The following TAF5 variants were observed in gnomAD, a reference collection of about 807,000 sequenced individuals.
TAF5 encodes TATA-box binding protein associated factor 5.
Under a neutral mutation model 80.9 loss-of-function variants are expected in TAF5, and 20 were observed. The observed-to-expected ratio is 0.25, with a 90% CI of 0.17 to 0.36. The LOEUF (loss-of-function observed/expected upper bound fraction) is 0.36, where lower values mean the gene tolerates loss of function less well. TAF5 is among the 10% of genes least tolerant of loss of function. The probability of loss-of-function intolerance (pLI) is 1.00; values close to 1 mark genes in which losing one functional copy is unlikely to be tolerated. For synonymous variants in TAF5, 388 were observed against 406.4 expected (o/e 0.95, Z 0.55); for missense variants, 863 against 1,029.4 (o/e 0.84, Z 2.21).
intron 5 of TAF5, among the ~76,000 whole-genome samples, chr10:103,381,203 C>T (rs1196547152): frequency 6.6e-6 from 1 of 152,104 alleles, no homozygotes; most frequent in Non-Finnish European, 1.5e-5. Flanking sequence ...CCCGCCTCAG[C>T]CTCCTAAAGT....
At chr10:103,370,101 G>A (rs1354693100) in intron 1 of TAF5, among the ~76,000 whole-genome samples, 6 of 151,114 alleles carry the variant, frequency 4.0e-5, no homozygotes, top group Admixed American at 3.3e-4. Flanking sequence ...GCGTGGTGGC[G>A]CATGCCTGTA....
intron 5 of TAF5, among the ~76,000 whole-genome samples, chr10:103,380,862 C>T (rs2093381139): frequency 6.6e-6 from 1 of 152,170 alleles, no homozygotes; most frequent in Non-Finnish European, 1.5e-5. Flanking sequence ...CTCAAGTGAT[C>T]TGGCCGCCTC....
intron 8 of TAF5, 81 bp from the exon 9 acceptor site, chr10:103,387,094 T>C: frequency 7.2e-7 from 1 of 1,380,792 alleles, no homozygotes; most frequent in Non-Finnish European, 9.8e-7. Flanking sequence ...TGGATGTTTC[T>C]GTATTTATTT....
At chr10:103,373,195 CAAAA>C (rs371928380) in intron 1 of TAF5, among the ~76,000 whole-genome samples, 159 bp from the exon 2 acceptor site, 1 of 99,522 alleles carries the variant, frequency 1.0e-5, no homozygotes. Flanking sequence ...GACTCCCTCT[CAAAA>C]AAAAAAAAAA....
At chr10:103,371,999 C>T (rs988603881) in intron 1 of TAF5, among the ~76,000 whole-genome samples, 3 of 149,224 alleles carry the variant, frequency 2.0e-5, no homozygotes, top group South Asian at 4.3e-4. Flanking sequence ...TGCAGTGGAG[C>T]GATCTTGGCT....
At chr10:103,370,428 C>T (rs1434033190) in intron 1 of TAF5, among the ~76,000 whole-genome samples, 2 of 146,402 alleles carry the variant, frequency 1.4e-5, no homozygotes, top group African/African-American at 5.1e-5. Context: ...CAGGTTCAAG[C>T]GATTCTCCTG....
Position 103,387,359 on chromosome 10 carries a change from T to A in TAF5, c.2007+7T>A. On this transcript the variant is annotated splice_region_variant and intron_variant, in intron 9 of 10. Transcript: ENST00000369839. ...GATCTTCACTGGACACAAGGTATTT[T>A]ACACTCTTACTATTCCAGCATCCAA... The A allele has an allele frequency of 6.2e-7, 1 of 1,602,996 alleles. No individual in the cohort carries two copies.
intron 8 of TAF5, 38 bp downstream of exon 8, chr10:103,385,528 T>G (rs2093393913): frequency 1.9e-6 from 3 of 1,598,860 alleles, no homozygotes; most frequent in Non-Finnish European, 1.7e-6. Flanking sequence ...GTCTATTCAA[T>G]GAACAGAATG....
rs143839859 is a variant in TAF5, at chr10:103,373,064, A to G, written c.560-294A>G. 2.7e-3 allele frequency among the ~76,000 whole-genome samples: 409 copies of G among 151,588 alleles called. 3 individuals carry two copies. Among genetic ancestry groups the G allele is most frequent in the African/African-American group, 9.6e-3 (397 of 41,300 alleles). On this transcript the variant is annotated intron_variant, in intron 1 of 10. Transcript: ENST00000369839. ...CTGAAAATATGAAAATTAGCTGGGCATGGTGGCACACGCTTGTAGTCCCAG... is the reference window on the plus strand; with the variant it reads ...CTGAAAATATGAAAATTAGCTGGGCGTGGTGGCACACGCTTGTAGTCCCAG...
At chr10:103,370,176 G>A (rs1056655989) in intron 1 of TAF5, among the ~76,000 whole-genome samples, 6 of 151,560 alleles carry the variant, frequency 4.0e-5, no homozygotes, top group African/African-American at 1.5e-4. Flanking sequence ...AGGTTGCAGT[G>A]AGCCAAGATT....
intron 7 of TAF5, among the ~76,000 whole-genome samples, chr10:103,384,547 C>G (rs761602481): frequency 3.9e-5 from 6 of 152,142 alleles, no homozygotes; most frequent in Admixed American, 6.6e-5. Flanking sequence ...AGGAAAGTCA[C>G]TTGAACATGG....
At chr10:103,369,738 T>A (rs2093354789) in intron 1 of TAF5, among the ~76,000 whole-genome samples, 1 of 152,098 alleles carries the variant, frequency 6.6e-6, no homozygotes, top group Non-Finnish European at 1.5e-5. Flanking sequence ...TGGGCATCAC[T>A]TCAGACTTAG....
intron 5 of TAF5, among the ~76,000 whole-genome samples, chr10:103,381,273 TA>T (rs1424205776): frequency 2.7e-5 from 4 of 148,946 alleles, no homozygotes; most frequent in Non-Finnish European, 4.5e-5. Context: ...ATTTTATTAT[TA>T]TTTTTTTTTT....
At chr10:103,383,394 T>C in intron 7 of TAF5, 27 bp downstream of exon 7, 1 of 1,561,626 alleles carries the variant, frequency 6.4e-7, no homozygotes, top group Non-Finnish European at 8.6e-7. Context: ...AAAAATTAAA[T>C]ACTGCTATGT....
chr10:103,384,343 C>G (rs1460600167), intron 7 of TAF5, among the ~76,000 whole-genome samples: 1 of 151,976 alleles, frequency 6.6e-6, no homozygotes. Flanking sequence ...TAGATAATAG[C>G]TTTCAGGCCG....
intron 2 of TAF5, among the ~76,000 whole-genome samples, chr10:103,375,661 G>T (rs1417322444): frequency 1.3e-5 from 2 of 152,098 alleles, no homozygotes; most frequent in African/African-American, 4.8e-5. Context: ...CAGTCAGTGG[G>T]CTAGGCCCAA....
rs1234153173 is a variant in TAF5 at position 103,368,025 on chromosome 10, G to T, written c.36G>T (p.Ala12=). ...TGGCGGAGGAGCAGACGGAGGTGGC[G>T]GTCAAGCTAGAGCCTGAGGGACCGC... ...AALAEEQTEV[A]VKLEPEGPPT... is the part of the protein sequence containing the mutation. Residue 12 remains alanine (A), a synonymous_variant, in exon 1 of 11, where the codon GCG becomes GCT. Coordinates refer to ENST00000369839, the MANE Select transcript of TAF5 (RefSeq NM_006951.5). 1.4e-6 allele frequency: 2 copies of T among 1,468,142 alleles called. No homozygotes were observed. The highest frequency in any genetic ancestry group is 1.8e-6 in the Non-Finnish European group (2 of 1,115,612). 90.9% of individuals were successfully genotyped at this position (1,468,142 alleles called of 1,614,324 possible). A position where few individuals can be genotyped will look rare whatever the true frequency, so the allele number is the denominator to read the frequency against.
chr10:103,368,630 C>G (rs909645586), intron 1 of TAF5, 82 bp downstream of exon 1: 26 of 1,388,562 alleles, frequency 1.9e-5, no homozygotes, highest in Non-Finnish European at 2.3e-5. Context: ...GCCTGCACCT[C>G]TGCGGGCTTG....
At chr10:103,387,745 A>G (rs1564747491) in intron 10 of TAF5, 47 bp downstream of exon 10, 1 of 1,559,380 alleles carries the variant, frequency 6.4e-7, no homozygotes, top group South Asian at 1.2e-5. Context: ...GTTAAGAGGA[A>G]ACAGTGTTGA....
Sources: gnomAD v4.1 joint callset for allele counts (sites outside exome capture counted in the v4.1 genomes callset) on GRCh38, gnomAD v4.1.1 for gene constraint, MANE v1.5 for transcripts, NCBI Gene and HGNC (gene_info 2026-07-23, HGNC 2026-07-21) for gene names.